The following NR1D2 variants were observed in gnomAD, a reference collection of about 807,000 sequenced individuals.
NR1D2 encodes V-erbA-related protein 1-related.
In NR1D2, 25 loss-of-function variants were observed where a neutral mutation model predicts 52.2. The observed-to-expected ratio is 0.48, with a 90% confidence interval of 0.35 to 0.67. The LOEUF is 0.67. Among genes scored for constraint, NR1D2 ranks in the 30% least tolerant of loss-of-function variants. The probability of loss-of-function intolerance (pLI) is 0.01; values close to 1 mark genes in which losing one functional copy is unlikely to be tolerated. For missense variants in NR1D2, 681 were observed against 707.2 expected (o/e 0.96, Z 0.42); for synonymous variants, 259 against 230.1 (o/e 1.13, Z -1.14).
At chr3:23,964,375 C>T (rs1178857604) in intron 5 of NR1D2, among the ~76,000 whole-genome samples, 1 of 152,162 alleles carries the variant, frequency 6.6e-6, no homozygotes, top group African/African-American at 2.4e-5. Flanking sequence ...CTGCGCCCGG[C>T]CAGGCAGTGA....
At chr3:23,975,963 A>C (rs7371944) in intron 7 of NR1D2, among the ~76,000 whole-genome samples, 120,029 of 152,154 alleles carry the variant, frequency 0.79, 48,002 homozygotes, top group African/African-American at 0.91. Flanking sequence ...AGAAGTTTTG[A>C]TTCCTTGTAG....
rs1314041753 is a variant in NR1D2, at chr3:23,953,199, T to TG, written c.17-1333dup. Among the ~76,000 whole-genome samples, 282 of 150,360 alleles carry TG rather than the reference T, an allele frequency of 1.9e-3. 2 individuals are homozygous for TG. The highest frequency in any genetic ancestry group is 3.4e-3 in the Middle Eastern group (1 of 292). Reference sequence around the variant, plus strand: ...TAAAAAAAAAAATACAAAAATTGGCTGGGGGTGGTGGCATGTGACTGTAGT... The same window carrying TG: ...TAAAAAAAAAAATACAAAAATTGGCTGGGGGGTGGTGGCATGTGACTGTAGT... On this transcript the variant is annotated intron_variant, in intron 1 of 7. Transcript: ENST00000312521.
At chr3:23,974,818 A>ATTT (rs1355921800) in intron 7 of NR1D2, among the ~76,000 whole-genome samples, 6 of 134,856 alleles carry the variant, frequency 4.4e-5, no homozygotes, top group Non-Finnish European at 9.7e-5. Flanking sequence ...CCAATATCCA[A>ATTT]TTTTTTTTTT....
intron 1 of NR1D2, among the ~76,000 whole-genome samples, chr3:23,950,172 C>T (rs1263352781): frequency 6.6e-6 from 1 of 152,162 alleles, no homozygotes; most frequent in East Asian, 1.9e-4. Flanking sequence ...CTTATGAATG[C>T]CATTTCATTT....
intron 7 of NR1D2, among the ~76,000 whole-genome samples, chr3:23,974,027 T>C (rs974015238): frequency 6.8e-6 from 1 of 146,984 alleles, no homozygotes; most frequent in Non-Finnish European, 1.5e-5. Context: ...ATTTCTATGA[T>C]AACAATGCAT....
intron 7 of NR1D2, among the ~76,000 whole-genome samples, chr3:23,968,342 G>C (rs1451533063): frequency 6.6e-6 from 1 of 152,130 alleles, no homozygotes; most frequent in Non-Finnish European, 1.5e-5. Context: ...GTATCTCCAG[G>C]TAGGTAGTTG....
In NR1D2 at chr3:23,976,522, G is replaced by GC. The variant is rs75943479; in HGVS notation, c.1544-700dup. ...AGTTCCTTGCAAGCTGTTGGACTGAGCACCTCAGTTGCTTGCTGACTGTTG... is the reference window on the plus strand; with the variant it reads ...AGTTCCTTGCAAGCTGTTGGACTGAGCCACCTCAGTTGCTTGCTGACTGTTG... On this transcript the variant is annotated intron_variant, in intron 7 of 7. Coordinates refer to ENST00000312521, the MANE Select transcript of NR1D2 (RefSeq NM_005126.5). 3.5e-3 allele frequency among the ~76,000 whole-genome samples: 535 copies of GC among 152,324 alleles called. 12 individuals are homozygous for GC. The East Asian group carries it at 0.05, about 14-fold the overall frequency.
At chr3:23,950,394 T>A (rs1705893583) in intron 1 of NR1D2, among the ~76,000 whole-genome samples, 1 of 152,266 alleles carries the variant, frequency 6.6e-6, no homozygotes. Flanking sequence ...TGAAAGTTAA[T>A]TCACAGAGTT....
chr3:23,948,588 T>A (rs759528208), intron 1 of NR1D2, among the ~76,000 whole-genome samples: 8 of 152,194 alleles, frequency 5.3e-5, no homozygotes, highest in East Asian at 1.9e-4. Context: ...GACAAAAAAA[T>A]AATCATCAGC....
At chr3:23,964,280 T>C (rs1297201208) in intron 5 of NR1D2, among the ~76,000 whole-genome samples, 2 of 152,056 alleles carry the variant, frequency 1.3e-5, no homozygotes, top group Non-Finnish European at 2.9e-5. Context: ...GGTTTCACCA[T>C]GTTGGCCAGG....
At chr3:23,973,797 T>G (rs1265990546) in intron 7 of NR1D2, among the ~76,000 whole-genome samples, 1 of 152,140 alleles carries the variant, frequency 6.6e-6, no homozygotes, top group Non-Finnish European at 1.5e-5. Flanking sequence ...CAAAAATATT[T>G]TCTTTATATC....
chr3:23,953,079 C>T (rs1385029776), intron 1 of NR1D2, among the ~76,000 whole-genome samples: 9 of 151,596 alleles, frequency 5.9e-5, no homozygotes, highest in African/African-American at 2.2e-4. Context: ...TGGCTCACAC[C>T]TGTAATCCCA....
chr3:23,948,425 T>C (rs9855481), intron 1 of NR1D2, among the ~76,000 whole-genome samples: 19,708 of 152,130 alleles, frequency 0.13, 1,790 homozygotes, highest in African/African-American at 0.24. Context: ...TACTGGTCAG[T>C]AGGGTTAAGA....
intron 7 of NR1D2, among the ~76,000 whole-genome samples, chr3:23,968,371 C>T (rs1027604064): frequency 6.6e-6 from 1 of 152,146 alleles, no homozygotes; most frequent in Non-Finnish European, 1.5e-5. Context: ...ATTTCAGTTT[C>T]CATTCAAATA....
rs192223837 is a variant in NR1D2 at position 23,946,225 on chromosome 3, C to A, written c.16+631C>A. 4 of 985,496 alleles carry A rather than the reference C, an allele frequency of 4.1e-6. No homozygotes were observed. The South Asian group carries it at 1.4e-4, about 35-fold the overall frequency. 61.0% of individuals were successfully genotyped at this position (985,496 alleles called of 1,614,324 possible). ...CGAAGCGGGCGCTGACACCGCAGTG[C>A]ACCGGACGCCGCACGCTCTTTTCGC... On this transcript the variant is annotated intron_variant, in intron 1 of 7. Coordinates refer to ENST00000312521, the MANE Select transcript of NR1D2 (RefSeq NM_005126.5).
At chr3:23,964,741 T>C (rs1706394691) in intron 5 of NR1D2, 1 of 378,850 alleles carries the variant, frequency 2.6e-6, no homozygotes, top group African/African-American at 2.1e-5. Flanking sequence ...TTATAGATGA[T>C]ATTTTTGCTT....
At chr3:23,973,933 G>A (rs2125298734) in intron 7 of NR1D2, among the ~76,000 whole-genome samples, 1 of 151,976 alleles carries the variant, frequency 6.6e-6, no homozygotes, top group South Asian at 2.1e-4. Context: ...CAATATCACT[G>A]TCTTCCACCT....
chr3:23,964,981 G>A lies in NR1D2; in HGVS notation c.1151G>A (p.Cys384Tyr), dbSNP rs375583060. The change falls in exon 6 of 8, where the codon TGT becomes TAT. Residue 384 changes from cysteine (C) to tyrosine (Y), a missense_variant. Cys to Tyr is a radical substitution (Grantham distance 194, BLOSUM62 -2). Coordinates refer to ENST00000312521, the MANE Select transcript of NR1D2 (RefSeq NM_005126.5). ...TTTCCGTTTTATGTATACTAGGTTT[G>A]TCCAATGAGTAAGTCTCCATATGTG... The part of the protein sequence containing the change: ...CNTGGRMHLV[C>Y]PMSKSPYVDP... 6.2e-7 allele frequency: 1 copy of A among 1,608,128 alleles called. No individual in the cohort carries two copies. The highest frequency in any genetic ancestry group is 8.5e-7 in the Non-Finnish European group (1 of 1,176,670).
intron 4 of NR1D2, among the ~76,000 whole-genome samples, chr3:23,961,193 T>C (rs1235520989): frequency 6.6e-6 from 1 of 151,932 alleles, no homozygotes; most frequent in African/African-American, 2.4e-5. Context: ...CAAAAATGAA[T>C]TGACAAGGGC....
Sources: allele counts gnomAD v4.1 joint callset (sites outside exome capture counted in the v4.1 genomes callset), GRCh38; gene constraint gnomAD v4.1.1; transcripts MANE v1.5; gene names NCBI Gene and HGNC (gene_info 2026-07-23, HGNC 2026-07-21).